The following PRKAR1B variants were observed in gnomAD, a reference collection of about 807,000 sequenced individuals.
PRKAR1B encodes cAMP-dependent protein kinase type I-beta regulatory subunit.
In PRKAR1B, 22 loss-of-function variants were observed where a neutral mutation model predicts 46.5. The observed-to-expected ratio is 0.47, with a 90% CI of 0.34 to 0.68. PRKAR1B has a LOEUF of 0.68. Among genes scored for constraint, PRKAR1B ranks in the 30% least tolerant of loss-of-function variants. The pLI, the probability that PRKAR1B is intolerant of heterozygous loss-of-function variation, is 0.01. For synonymous variants in PRKAR1B, 259 were observed against 217.7 expected (o/e 1.19, Z -1.67); for missense variants, 445 against 535.6 (o/e 0.83, Z 1.67).
chr7:704,414 G>A (rs1182144825), intron 2 of PRKAR1B, among the ~76,000 whole-genome samples: 1 of 152,116 alleles, frequency 6.6e-6, no homozygotes, highest in African/African-American at 2.4e-5. Context: ...GACATTAAAA[G>A]GATGAGGTAA....
intron 2 of PRKAR1B, among the ~76,000 whole-genome samples, chr7:687,349 A>G (rs1014784727): frequency 1.6e-4 from 24 of 152,260 alleles, no homozygotes; most frequent in Non-Finnish European, 3.2e-4. Flanking sequence ...GATGAAATTG[A>G]GAACACTGGC....
chr7:570,717 G>A (rs1457121781), intron 9 of PRKAR1B, among the ~76,000 whole-genome samples: 2 of 152,166 alleles, frequency 1.3e-5, no homozygotes, highest in African/African-American at 4.8e-5. Flanking sequence ...CACACCCAGA[G>A]TAACGCTGGC....
rs551729402 is a variant in PRKAR1B at position 625,294 on chromosome 7, G to A, written c.441-17842C>T. Among the ~76,000 whole-genome samples, 184 of 152,244 alleles carry A rather than the reference G, an allele frequency of 1.2e-3. 3 individuals are homozygous for A. Among genetic ancestry groups the A allele is most frequent in the Middle Eastern group, 3.4e-3 (1 of 294 alleles). ...TAGAGGGAAATCTATAGCACTGAAT[G>A]CATATATTAGGAAAAGATCCAAAAT... On this transcript the variant is annotated intron_variant, in intron 4 of 10. Coordinates refer to ENST00000537384, the MANE Select transcript of PRKAR1B (RefSeq NM_001164760.2).
At chr7:670,685 G>A (rs1428267107) in intron 4 of PRKAR1B, among the ~76,000 whole-genome samples, 7 of 147,774 alleles carry the variant, frequency 4.7e-5, no homozygotes, top group Admixed American at 3.4e-4. Flanking sequence ...GACCCAGGAC[G>A]GCCTCCGAGC....
At chr7:627,730 G>T (rs1411033212) in intron 4 of PRKAR1B, among the ~76,000 whole-genome samples, 1 of 151,880 alleles carries the variant, frequency 6.6e-6, no homozygotes, top group Non-Finnish European at 1.5e-5. Context: ...CCCAGCTCAC[G>T]CCCGCCCTCC....
intron 4 of PRKAR1B, among the ~76,000 whole-genome samples, chr7:634,773 G>A (rs546341274): frequency 2.0e-5 from 3 of 151,974 alleles, no homozygotes; most frequent in South Asian, 4.2e-4. Flanking sequence ...CCGAGTAGCT[G>A]GGATTACAGG....
At chr7:672,149 C>A (rs1297109606) in intron 4 of PRKAR1B, among the ~76,000 whole-genome samples, 1 of 151,694 alleles carries the variant, frequency 6.6e-6, no homozygotes, top group Non-Finnish European at 1.5e-5. Flanking sequence ...TTCTGTGGAA[C>A]CGAATTTGTT....
chr7:630,532 A>C (rs1783675821), intron 4 of PRKAR1B, among the ~76,000 whole-genome samples: 1 of 152,292 alleles, frequency 6.6e-6, no homozygotes, highest in Admixed American at 6.5e-5. Context: ...ACTCAGATGC[A>C]CTTGATTTTG....
chr7:716,087 G>A (rs1036747781), intron 1 of PRKAR1B, among the ~76,000 whole-genome samples: 2 of 149,736 alleles, frequency 1.3e-5, no homozygotes, highest in African/African-American at 4.9e-5. Flanking sequence ...TCACTCTGTC[G>A]CCCAGGCTGG....
chr7:598,364 C>A (rs1781394104), intron 6 of PRKAR1B, among the ~76,000 whole-genome samples: 2 of 147,304 alleles, frequency 1.4e-5, no homozygotes, highest in Non-Finnish European at 1.5e-5. Context: ...CATCGCCCTC[C>A]CTCCAGCACC....
intron 2 of PRKAR1B, among the ~76,000 whole-genome samples, chr7:702,627 T>C (rs990857426): frequency 6.6e-6 from 1 of 152,070 alleles, no homozygotes; most frequent in African/African-American, 2.4e-5. Flanking sequence ...ATCGAGACCA[T>C]CCTGGCTAAC....
chr7:601,995 T>C (rs1781638273), intron 6 of PRKAR1B, among the ~76,000 whole-genome samples: 1 of 151,922 alleles, frequency 6.6e-6, no homozygotes, highest in Non-Finnish European at 1.5e-5. Flanking sequence ...GGAACTCCAG[T>C]TACACGAGGG....
chr7:724,230 G>A (rs2128536387), intron 1 of PRKAR1B, among the ~76,000 whole-genome samples: 1 of 152,170 alleles, frequency 6.6e-6, no homozygotes, highest in East Asian at 1.9e-4. Flanking sequence ...CTTTCACCTG[G>A]CTATGTGACA....
chr7:557,816 T>C (rs1484350620), intron 9 of PRKAR1B, among the ~76,000 whole-genome samples: 1 of 152,132 alleles, frequency 6.6e-6, no homozygotes, highest in African/African-American at 2.4e-5. Context: ...TGGGTTTTTT[T>C]GGGCTGGAAA....
Position 714,972 on chromosome 7 carries a change from G to A in PRKAR1B, c.-22-3445C>T, listed in dbSNP as rs1324114427. Among the ~76,000 whole-genome samples, 1 of 152,120 alleles carries A rather than the reference G, an allele frequency of 6.6e-6. No individual in the cohort carries two copies. Among genetic ancestry groups the A allele is most frequent in the African/African-American group, 2.4e-5 (1 of 41,416 alleles). On this transcript the variant is annotated intron_variant, in intron 1 of 10. Transcript: ENST00000537384. This position sits in a 1 kb window ranked among gnomAD's most constrained non-coding sequence, Gnocchi z 4.3. Reference sequence around the variant, plus strand: ...AGGCCGAGGCAGGTGGGTCACTGGAGGTCAGGAGTTCAAGACCAGCCTGGG... The same window carrying A: ...AGGCCGAGGCAGGTGGGTCACTGGAAGTCAGGAGTTCAAGACCAGCCTGGG...
rs571472492 is a variant in PRKAR1B at position 584,972 on chromosome 7, G to A, written c.709-404C>T. ...CAACACAGAGACTCAAGCACATGAC[G>A]TAGAAGGGAGAGTGCGGCTGACGTC... On this transcript the variant is annotated intron_variant, in intron 7 of 10. Coordinates refer to ENST00000537384, the MANE Select transcript of PRKAR1B (RefSeq NM_001164760.2). 2.6e-3 allele frequency among the ~76,000 whole-genome samples: 390 copies of A among 152,226 alleles called. 1 individual carries two copies. The highest frequency in any genetic ancestry group is 3.8e-3 in the Non-Finnish European group (257 of 68,014).
chr7:596,339 C>G (rs1479596033), intron 6 of PRKAR1B, 35 bp from the exon 7 acceptor site: 2 of 1,584,612 alleles, frequency 1.3e-6, no homozygotes, highest in African/African-American at 2.7e-5. Context: ...GTCACGGGGG[C>G]CAGGCAGGGT....
chr7:654,627 C>G (rs2128491689), intron 4 of PRKAR1B, among the ~76,000 whole-genome samples: 2 of 151,432 alleles, frequency 1.3e-5, no homozygotes, highest in Middle Eastern at 6.8e-3. Flanking sequence ...ATCCTCATCA[C>G]CTTCATCATC....
At chr7:683,971 G>A (rs577489625) in intron 2 of PRKAR1B, among the ~76,000 whole-genome samples, 17 of 149,598 alleles carry the variant, frequency 1.1e-4, no homozygotes, top group African/African-American at 3.0e-4. Flanking sequence ...GCCCATCTCC[G>A]TGTGCCAATG....
Sources: allele counts gnomAD v4.1 joint callset (sites outside exome capture counted in the v4.1 genomes callset), GRCh38; gene constraint gnomAD v4.1.1; non-coding constraint Gnocchi (gnomAD v3.1); transcripts MANE v1.5; gene names NCBI Gene and HGNC (gene_info 2026-07-23, HGNC 2026-07-21).